Variants in CACNA2D1 observed in about 807,000 individuals in gnomAD.
The protein encoded by CACNA2D1 is voltage-dependent calcium channel subunit alpha-2/delta-1.
In CACNA2D1, 53 loss-of-function variants were observed where a neutral mutation model predicts 171.5. The ratio of observed to expected loss-of-function variants is 0.31; its 90% CI spans 0.25 to 0.39. CACNA2D1 has a LOEUF of 0.39. Among genes scored for constraint, CACNA2D1 ranks in the 10% least tolerant of loss-of-function variants. The pLI, the probability that CACNA2D1 is intolerant of heterozygous loss-of-function variation, is 1.00. For synonymous variants in CACNA2D1, 442 were observed against 443.1 expected (o/e 1.00, Z 0.03); for missense variants, 903 against 1,299.8 (o/e 0.69, Z 4.69).
chr7:82,032,381 G>T (rs1802810367), intron 12 of CACNA2D1, among the ~76,000 whole-genome samples: 1 of 151,788 alleles, frequency 6.6e-6, no homozygotes, highest in East Asian at 1.9e-4. Flanking sequence ...ACAATACTTA[G>T]ACATTTTTTG....
At chr7:82,143,565 A>C (rs1032969394) in intron 4 of CACNA2D1, among the ~76,000 whole-genome samples, 3 of 152,194 alleles carry the variant, frequency 2.0e-5, no homozygotes, top group Admixed American at 1.3e-4. Flanking sequence ...AGTTGTTGTC[A>C]TGCTTTTTAA....
intron 7 of CACNA2D1, among the ~76,000 whole-genome samples, chr7:82,079,805 G>A (rs906637155): frequency 4.6e-5 from 7 of 151,834 alleles, no homozygotes; most frequent in Non-Finnish European, 7.4e-5. Context: ...GTCAAAGGAC[G>A]CATAATTACA....
intron 3 of CACNA2D1, among the ~76,000 whole-genome samples, chr7:82,216,984 T>C (rs761847446): frequency 6.6e-6 from 1 of 151,940 alleles, no homozygotes; most frequent in Non-Finnish European, 1.5e-5. Flanking sequence ...ACATTATATG[T>C]CATTCTTTTT....
chr7:82,181,041 A>ATTTTTTTTTTTTTGTTTTTTTTTTT (rs1797078025), intron 3 of CACNA2D1, among the ~76,000 whole-genome samples: 1 of 13,942 alleles, frequency 7.2e-5, no homozygotes, highest in South Asian at 4.0e-3. Context: ...GGCATGTCGG[A>ATTTTTTTTTTTTTGTTTTTTTTTTT]TTTTTTTTTT....
At chr7:82,252,933 C>T (rs1228456896) in intron 3 of CACNA2D1, among the ~76,000 whole-genome samples, 1 of 151,544 alleles carries the variant, frequency 6.6e-6, no homozygotes, top group Non-Finnish European at 1.5e-5. Context: ...ATTGTGGTAG[C>T]TGGCAGGGTG....
chr7:82,024,958 T>C (rs1801695737), intron 12 of CACNA2D1, among the ~76,000 whole-genome samples: 1 of 151,574 alleles, frequency 6.6e-6, no homozygotes, highest in Non-Finnish European at 1.5e-5. Context: ...CATATATCCA[T>C]GGAGTTATTT....
At chr7:82,245,250 C>T (rs1804766899) in intron 3 of CACNA2D1, among the ~76,000 whole-genome samples, 1 of 152,180 alleles carries the variant, frequency 6.6e-6, no homozygotes, top group Admixed American at 6.5e-5. Flanking sequence ...ATGTCAGTGT[C>T]TACTGTCTTC....
At chr7:82,177,095 G>T (rs1298439366) in intron 3 of CACNA2D1, among the ~76,000 whole-genome samples, 15 of 126,310 alleles carry the variant, frequency 1.2e-4, no homozygotes, top group Non-Finnish European at 1.5e-4. Flanking sequence ...TTTGGCGGGG[G>T]TTGGGGGGCG....
intron 18 of CACNA2D1, among the ~76,000 whole-genome samples, chr7:82,005,061 C>T (rs1176073768): frequency 7.9e-5 from 12 of 152,100 alleles, no homozygotes; most frequent in East Asian, 5.8e-4. Context: ...GTGGCCTGGA[C>T]ATAAATAAAC....
chr7:82,107,352 G>T (rs1357313411), intron 6 of CACNA2D1, among the ~76,000 whole-genome samples: 2 of 152,050 alleles, frequency 1.3e-5, no homozygotes, highest in African/African-American at 4.8e-5. Context: ...GCATAAACTA[G>T]CTACAAGGCC....
chr7:82,347,218 G>A (rs1272979530), intron 2 of CACNA2D1, among the ~76,000 whole-genome samples: 1 of 151,912 alleles, frequency 6.6e-6, no homozygotes, highest in Admixed American at 6.6e-5. Context: ...ACTTTCCATG[G>A]GCTACTATTT....
chr7:82,246,986 G>C (rs1805004623), intron 3 of CACNA2D1, among the ~76,000 whole-genome samples: 1 of 152,128 alleles, frequency 6.6e-6, no homozygotes, highest in Non-Finnish European at 1.5e-5. Flanking sequence ...CCAGCTTTGA[G>C]AAGAAGGGAG....
chr7:82,326,895 T>C (rs2129442493), intron 3 of CACNA2D1, among the ~76,000 whole-genome samples: 1 of 152,336 alleles, frequency 6.6e-6, no homozygotes, highest in Middle Eastern at 3.4e-3. Context: ...TTTACAAAGT[T>C]TACTTTGCCA....
At chr7:82,090,504 G>A (rs565634853) in intron 6 of CACNA2D1, among the ~76,000 whole-genome samples, 8 of 151,946 alleles carry the variant, frequency 5.3e-5, no homozygotes, top group Non-Finnish European at 1.0e-4. Flanking sequence ...TTACAGCCTT[G>A]CATTGAGATA....
chr7:81,966,354 C>G (rs1334566307), intron 31 of CACNA2D1, among the ~76,000 whole-genome samples: 2 of 151,426 alleles, frequency 1.3e-5, no homozygotes, highest in Non-Finnish European at 3.0e-5. Flanking sequence ...ATTGCATTTT[C>G]CTAATGTGGA....
At chr7:82,047,501 T>C (rs1375707061) in intron 10 of CACNA2D1, among the ~76,000 whole-genome samples, 1 of 152,282 alleles carries the variant, frequency 6.6e-6, no homozygotes, top group South Asian at 2.1e-4. Context: ...GCAGAGATAC[T>C]ACAATACTGA....
At chr7:82,354,130 T>C (rs1316749973) in intron 1 of CACNA2D1, among the ~76,000 whole-genome samples, 2 of 152,156 alleles carry the variant, frequency 1.3e-5, no homozygotes, top group Non-Finnish European at 2.9e-5. Flanking sequence ...AAGTAGATCA[T>C]ACCCTTTCAT....
chr7:82,406,736 G>C (rs1051283045), intron 1 of CACNA2D1, among the ~76,000 whole-genome samples: 5 of 152,004 alleles, frequency 3.3e-5, no homozygotes, highest in East Asian at 1.9e-4. Context: ...TTTTTGATCG[G>C]GTTGATTTTT....
chr7:82,236,808 C>T (rs1012042154), intron 3 of CACNA2D1, among the ~76,000 whole-genome samples: 1 of 148,722 alleles, frequency 6.7e-6, no homozygotes, highest in Non-Finnish European at 1.5e-5. Context: ...TATTTCCTCA[C>T]TTACGGCAGA....
Sources: allele counts gnomAD v4.1 joint callset (sites outside exome capture counted in the v4.1 genomes callset), GRCh38; gene constraint gnomAD v4.1.1; transcripts MANE v1.5; gene names NCBI Gene and HGNC (gene_info 2026-07-23, HGNC 2026-07-21).